Variants in SNTG1 observed in about 807,000 individuals in gnomAD.
SNTG1 encodes the protein syntrophin gamma 1.
In SNTG1, 39 loss-of-function variants were observed where a neutral mutation model predicts 74.7. The observed-to-expected ratio is 0.52, with a 90% CI of 0.40 to 0.68. The LOEUF (loss-of-function observed/expected upper bound fraction) is 0.68, where lower values mean the gene tolerates loss of function less well. Among genes scored for constraint, SNTG1 ranks in the 30% least tolerant of loss-of-function variants. The pLI is 0.00. For synonymous variants in SNTG1, 254 were observed against 217.1 expected, an observed-to-expected ratio of 1.17 and a Z score of -1.49; for missense variants, 685 against 609.5, an observed-to-expected ratio of 1.12 and a Z score of -1.30.
chr8:50,169,480 A>T (rs941130722), intron 1 of SNTG1, among the ~76,000 whole-genome samples: 1 of 152,206 alleles, frequency 6.6e-6, no homozygotes, highest in South Asian at 2.1e-4. Context: ...AAATGTATAA[A>T]GACCTAGAAA....
intron 1 of SNTG1, among the ~76,000 whole-genome samples, chr8:49,957,926 T>A (rs1810326422): frequency 6.6e-6 from 1 of 152,116 alleles, no homozygotes; most frequent in South Asian, 2.1e-4. Flanking sequence ...AGAGTGAGAT[T>A]GCATCTTAAA....
At chr8:50,741,781 G>C (rs1378496422) in intron 17 of SNTG1, among the ~76,000 whole-genome samples, 2 of 152,018 alleles carry the variant, frequency 1.3e-5, no homozygotes, top group African/African-American at 4.8e-5. Flanking sequence ...ATTATATACT[G>C]TATGATTCCA....
chr8:49,934,481 A>G (rs1310647909), intron 1 of SNTG1, among the ~76,000 whole-genome samples: 1 of 152,182 alleles, frequency 6.6e-6, no homozygotes, highest in Non-Finnish European at 1.5e-5. Flanking sequence ...AATTCAATAT[A>G]AAATAACTGA....
chr8:50,290,590 C>T (rs1285699926), intron 2 of SNTG1, among the ~76,000 whole-genome samples: 2 of 152,076 alleles, frequency 1.3e-5, no homozygotes, highest in Non-Finnish European at 2.9e-5. Context: ...ATCCTTGATT[C>T]CTAAATATAG....
chr8:50,357,160 C>T (rs1408314594), intron 2 of SNTG1, among the ~76,000 whole-genome samples: 1 of 152,170 alleles, frequency 6.6e-6, no homozygotes, highest in East Asian at 1.9e-4. Flanking sequence ...AGCCATACTC[C>T]TTGGTGTGGA....
At chr8:50,519,190 C>G (rs1235102882) in intron 9 of SNTG1, among the ~76,000 whole-genome samples, 1 of 152,140 alleles carries the variant, frequency 6.6e-6, no homozygotes, top group East Asian at 1.9e-4. Flanking sequence ...ATAAACAGAA[C>G]CAATGACAAA....
chr8:49,987,024 A>G lies in SNTG1; in HGVS notation c.-103+74793A>G, dbSNP rs148918186. Reference sequence around the variant, plus strand: ...GAGCAATTCCATTTGCCCTTAGCTTATGTTGGGAAATGAAAAGTAGGTTAT... The same window carrying G: ...GAGCAATTCCATTTGCCCTTAGCTTGTGTTGGGAAATGAAAAGTAGGTTAT... On this transcript the variant is annotated intron_variant, in intron 1 of 18. Transcript: ENST00000642720. Among the ~76,000 whole-genome samples, 942 of 152,340 alleles carry G rather than the reference A, an allele frequency of 6.2e-3. 25 individuals carry two copies. Among genetic ancestry groups the G allele is most frequent in the Admixed American group, 0.051 (773 of 15,300 alleles).
chr8:50,490,316 T>C (rs1297210027), intron 8 of SNTG1, among the ~76,000 whole-genome samples: 1 of 152,170 alleles, frequency 6.6e-6, no homozygotes, highest in Non-Finnish European at 1.5e-5. Context: ...AGAAAGTCAA[T>C]GGTAGCTTGA....
chr8:50,349,929 G>A lies in SNTG1; in HGVS notation c.-27-44283G>A, dbSNP rs150551116. 5.2e-3 allele frequency among the ~76,000 whole-genome samples: 797 copies of A among 152,276 alleles called. 4 individuals carry two copies. Among genetic ancestry groups the A allele is most frequent in the Admixed American group, 0.012 (177 of 15,306 alleles). ...CAGGGAGGTGTGGAGTGAGAGGCGCGAGCCGGAACCAGGGCTGCACCGCGT... is the reference window on the plus strand; with the variant it reads ...CAGGGAGGTGTGGAGTGAGAGGCGCAAGCCGGAACCAGGGCTGCACCGCGT... On this transcript the variant is annotated intron_variant, in intron 2 of 18. Coordinates refer to ENST00000642720, the MANE Select transcript of SNTG1 (RefSeq NM_018967.5).
intron 2 of SNTG1, among the ~76,000 whole-genome samples, chr8:50,264,394 C>A (rs4316168): frequency 0.56 from 85,494 of 151,396 alleles, 27,845 homozygotes; most frequent in East Asian, 0.83. Context: ...ATGGTGAAAC[C>A]CCGTCTCTAA....
chr8:50,512,477 G>A (rs1338957270), intron 9 of SNTG1, among the ~76,000 whole-genome samples: 1 of 152,138 alleles, frequency 6.6e-6, no homozygotes, highest in Non-Finnish European at 1.5e-5. Context: ...TGCTAGATTA[G>A]GGAAGTTCTC....
At chr8:50,322,285 G>T (rs990578771) in intron 2 of SNTG1, among the ~76,000 whole-genome samples, 9 of 152,006 alleles carry the variant, frequency 5.9e-5, no homozygotes, top group Admixed American at 3.3e-4. Context: ...AGGAAAAAAG[G>T]TGTTTTTTTC....
chr8:50,547,322 G>A (rs2094395305), intron 11 of SNTG1, among the ~76,000 whole-genome samples: 2 of 152,118 alleles, frequency 1.3e-5, no homozygotes, highest in South Asian at 4.1e-4. Context: ...ATACCATTAA[G>A]ACCCTCTCCA....
intron 1 of SNTG1, among the ~76,000 whole-genome samples, chr8:49,992,308 G>T (rs1813765162): frequency 1.3e-5 from 2 of 152,138 alleles, no homozygotes; most frequent in Non-Finnish European, 2.9e-5. Context: ...GAATAAGCAA[G>T]TTCTACAGGG....
At chr8:50,227,227 G>A (rs947331708) in intron 2 of SNTG1, among the ~76,000 whole-genome samples, 2 of 152,104 alleles carry the variant, frequency 1.3e-5, no homozygotes, top group South Asian at 2.1e-4. Context: ...AAAATGAATT[G>A]TTGATGTTCT....
intron 1 of SNTG1, among the ~76,000 whole-genome samples, chr8:50,018,819 AAC>A (rs1816572331): frequency 6.6e-6 from 1 of 152,036 alleles, no homozygotes. Flanking sequence ...TAAACAAAGA[AAC>A]AAAAAATAAC....
At chr8:50,351,922 A>G (rs575747478) in intron 2 of SNTG1, among the ~76,000 whole-genome samples, 1 of 152,344 alleles carries the variant, frequency 6.6e-6, no homozygotes, top group South Asian at 2.1e-4. Context: ...TTAAAAATAA[A>G]TATTGAGAAC....
At position 50,260,156 on chromosome 8, in the gene SNTG1, C is replaced by T. The variant is rs573951026; in HGVS notation, c.-28+87521C>T. Among the ~76,000 whole-genome samples, 3 of 152,248 alleles carry T rather than the reference C, an allele frequency of 2.0e-5. No homozygotes were observed. The South Asian group carries it at 6.2e-4, about 32-fold the overall frequency. ...AACCAAATAGTTTACTAGAGTCTAA[C>T]AAATGGTTTTTACCAGAGTTTAAGC... On this transcript the variant is annotated intron_variant, in intron 2 of 18. Coordinates refer to ENST00000642720, the MANE Select transcript of SNTG1 (RefSeq NM_018967.5).
At chr8:50,179,937 C>T (rs748241663) in intron 2 of SNTG1, among the ~76,000 whole-genome samples, 7 of 151,998 alleles carry the variant, frequency 4.6e-5, no homozygotes, top group Non-Finnish European at 1.0e-4. Flanking sequence ...GGTTATATAC[C>T]CAAAGAAGGT....
Sources: allele counts gnomAD v4.1 joint callset (sites outside exome capture counted in the v4.1 genomes callset), GRCh38; gene constraint gnomAD v4.1.1; transcripts MANE v1.5; gene names NCBI Gene and HGNC (gene_info 2026-07-23, HGNC 2026-07-21).